Variants in UGT1A8 observed in about 807,000 individuals in gnomAD.
UGT1A8 encodes the protein UDP glucuronosyltransferase family 1 member A8, also known as UDP-glucuronosyltransferase 1A8.
Under a neutral mutation model 45.3 loss-of-function variants are expected in UGT1A8, and 39 were observed. That is an observed-to-expected ratio of 0.86 (90% CI 0.67 to 1.12). The LOEUF (loss-of-function observed/expected upper bound fraction) is 1.12, where lower values mean the gene tolerates loss of function less well. Ranked by LOEUF, UGT1A8 falls within the 50% of genes most tolerant of loss-of-function variation. The pLI, the probability that UGT1A8 is intolerant of heterozygous loss-of-function variation, is 0.00. For synonymous variants in UGT1A8, 275 were observed against 249.2 expected (o/e 1.10, Z -0.97); for missense variants, 719 against 664.9 (o/e 1.08, Z -0.90).
chr2:233,714,706 G>A (rs974627054), intron 1 of UGT1A8, among the ~76,000 whole-genome samples: 3 of 152,098 alleles, frequency 2.0e-5, no homozygotes, highest in Non-Finnish European at 2.9e-5. Context: ...ACTGTTTAAC[G>A]TAGCTTTTTT....
chr2:233,677,547 T>A (rs1038563054), intron 1 of UGT1A8, among the ~76,000 whole-genome samples: 2 of 152,066 alleles, frequency 1.3e-5, no homozygotes, highest in African/African-American at 4.8e-5. Flanking sequence ...GAAAAGAAAA[T>A]GTTATTAAAA....
Position 233,744,054 on chromosome 2 carries a change from T to C in UGT1A8, c.856-22980T>C, listed in dbSNP as rs150741507. ...TTATGACGCAGCCACATCTCATTGG[T>C]CGAGGCCTATGAGCGCCTCGCATCC... On this transcript the variant is annotated intron_variant, in intron 1 of 4. Transcript: ENST00000373450. The C allele has an allele frequency of 5.9e-3, 3,770 of 635,096 alleles. 152 individuals carry two copies. In the East Asian group the frequency reaches 0.082, roughly 14 times the overall value. 39.3% of individuals were successfully genotyped at this position (635,096 alleles called of 1,614,324 possible).
At chr2:233,717,542 C>T (rs539125114) in intron 1 of UGT1A8, among the ~76,000 whole-genome samples, 1 of 152,330 alleles carries the variant, frequency 6.6e-6, no homozygotes, top group South Asian at 2.1e-4. Flanking sequence ...AAGCCTCAGC[C>T]TCACCAGCAA....
At chr2:233,719,653 G>A (rs759057764) in intron 1 of UGT1A8, 6 of 1,614,078 alleles carry the variant, frequency 3.7e-6, no homozygotes, top group South Asian at 3.3e-5. Flanking sequence ...TTCATTGGGG[G>A]CATCAACTGT....
chr2:233,726,709 GA>G (rs2077554030), intron 1 of UGT1A8, among the ~76,000 whole-genome samples: 1 of 152,172 alleles, frequency 6.6e-6, no homozygotes, highest in African/African-American at 2.4e-5. Flanking sequence ...TCCCAGGTTT[GA>G]GGAAGTACAA....
intron 1 of UGT1A8, chr2:233,761,038 G>A: frequency 6.2e-7 from 1 of 1,614,174 alleles, no homozygotes; most frequent in Non-Finnish European, 8.5e-7. Flanking sequence ...ATTGAGCTCT[G>A]CATCTGTCTG....
chr2:233,734,394 G>A (rs574179934), intron 1 of UGT1A8, among the ~76,000 whole-genome samples: 7 of 152,088 alleles, frequency 4.6e-5, no homozygotes, highest in South Asian at 2.1e-4. Flanking sequence ...TTTTTATTGC[G>A]TCTATTTGAT....
chr2:233,730,218 T>C (rs2078001973), intron 1 of UGT1A8, among the ~76,000 whole-genome samples: 1 of 152,086 alleles, frequency 6.6e-6, no homozygotes, highest in Admixed American at 6.5e-5. Context: ...ACACGAATGT[T>C]TGTAAAAGGA....
At chr2:233,680,009 C>G (rs1575424951) in intron 1 of UGT1A8, among the ~76,000 whole-genome samples, 1 of 152,172 alleles carries the variant, frequency 6.6e-6, no homozygotes, top group East Asian at 1.9e-4. Flanking sequence ...TCTTTTCTTT[C>G]TTTCTCTCTC....
At chr2:233,728,383 G>T (rs2077708725) in intron 1 of UGT1A8, among the ~76,000 whole-genome samples, 1 of 152,140 alleles carries the variant, frequency 6.6e-6, no homozygotes, top group Admixed American at 6.5e-5. Context: ...GTCTTTGCTA[G>T]GGTTGTCTTG....
chr2:233,623,777 G>A (rs1372158262), intron 1 of UGT1A8, among the ~76,000 whole-genome samples: 3 of 152,186 alleles, frequency 2.0e-5, no homozygotes, highest in East Asian at 3.9e-4. Flanking sequence ...ATTTTGATAA[G>A]GGTGTCAAGA....
intron 1 of UGT1A8, among the ~76,000 whole-genome samples, chr2:233,710,328 A>G (rs1227895445): frequency 6.6e-6 from 1 of 152,222 alleles, no homozygotes; most frequent in Non-Finnish European, 1.5e-5. Context: ...ATGACTTCAT[A>G]AGAAACAGTC....
chr2:233,698,798 C>T (rs572322118), intron 1 of UGT1A8, among the ~76,000 whole-genome samples: 1 of 152,238 alleles, frequency 6.6e-6, no homozygotes, highest in South Asian at 2.1e-4. Flanking sequence ...AACCTCTGGG[C>T]TCCCAGCCTC....
At chr2:233,714,940 G>A (rs1254793883) in intron 1 of UGT1A8, among the ~76,000 whole-genome samples, 1 of 152,148 alleles carries the variant, frequency 6.6e-6, no homozygotes, top group Admixed American at 6.5e-5. Flanking sequence ...GCAGTGGTGG[G>A]ATCTTGGCTC....
chr2:233,719,411 A>G, intron 1 of UGT1A8: 1 of 1,613,946 alleles, frequency 6.2e-7, no homozygotes. Context: ...TTCCTAAGTT[A>G]CTAACGACCA....
At chr2:233,690,435 T>C (rs1318096136) in intron 1 of UGT1A8, 15 of 1,270,026 alleles carry the variant, frequency 1.2e-5, no homozygotes, top group Non-Finnish European at 1.5e-5. Context: ...CATCTTTGGG[T>C]CTCTCCTCTA....
At chr2:233,641,080 A>C (rs770217684) in intron 1 of UGT1A8, among the ~76,000 whole-genome samples, 19 of 152,292 alleles carry the variant, frequency 1.2e-4, no homozygotes, top group Non-Finnish European at 2.2e-4. Flanking sequence ...TCAATACTGC[A>C]TCTAGCTCTC....
Position 233,772,565 on chromosome 2 carries a change from G to A in UGT1A8, c.*6G>A. ...ACAAATCCAAGACCCATTGAGAAGT[G>A]GGTGGGAAATAAGGTAAAATTTTGA... On this transcript the variant is annotated 3_prime_UTR_variant, in exon 5 of 5. Coordinates refer to ENST00000373450, the MANE Select transcript of UGT1A8 (RefSeq NM_019076.5). 6.2e-7 allele frequency: 1 copy of A among 1,613,202 alleles called. No homozygotes were observed.
At chr2:233,713,023 A>G (rs576086579) in intron 1 of UGT1A8, 145 of 1,613,794 alleles carry the variant, frequency 9.0e-5, no homozygotes, top group Middle Eastern at 7.0e-4. Context: ...CCCCTGCCGC[A>G]GCTGGCCACA....
Sources: allele counts gnomAD v4.1 joint callset (sites outside exome capture counted in the v4.1 genomes callset), GRCh38; gene constraint gnomAD v4.1.1; transcripts MANE v1.5; gene names NCBI Gene and HGNC (gene_info 2026-07-23, HGNC 2026-07-21).